Variants in SLC35D4 observed in about 807,000 individuals in gnomAD.
SLC35D4 encodes the protein solute carrier family 35 member D4, also known as UDP-N-acetylglucosamine transporter SLC35D4.
the SLC35D4 span, chr18:23,437,788 G>A: frequency 3.7e-6 from 6 of 1,611,224 alleles, no homozygotes; most frequent in African/African-American, 5.4e-5. Context: ...CACCTTGTTC[G>A]TGAGGTAAGA....
the SLC35D4 span, among the ~76,000 whole-genome samples, chr18:23,408,179 A>ACACACACC: frequency 3.3e-5 from 3 of 91,508 alleles, no homozygotes; most frequent in Admixed American, 3.1e-4. Flanking sequence ...ACACACACAC[A>ACACACACC]CCCCTAACCT....
the SLC35D4 span, among the ~76,000 whole-genome samples, chr18:23,241,998 A>G: frequency 2.0e-5 from 3 of 152,186 alleles, no homozygotes; most frequent in Non-Finnish European, 4.4e-5. Flanking sequence ...ATTCCGGGCC[A>G]GGTGCAGTGG....
chr18:23,372,216 G>A, the SLC35D4 span, among the ~76,000 whole-genome samples: 20 of 152,028 alleles, frequency 1.3e-4, no homozygotes, highest in Non-Finnish European at 2.4e-4. Context: ...GATTACAGGC[G>A]TGAGCCACCG....
the SLC35D4 span, among the ~76,000 whole-genome samples, chr18:23,271,961 G>T: frequency 6.6e-6 from 1 of 152,144 alleles, no homozygotes; most frequent in Non-Finnish European, 1.5e-5. Flanking sequence ...CTTCCATCTG[G>T]CTGTTCATCT....
chr18:23,244,050 ACAAT>A, the SLC35D4 span, among the ~76,000 whole-genome samples: 1 of 152,164 alleles, frequency 6.6e-6, no homozygotes, highest in Non-Finnish European at 1.5e-5. Context: ...CGGATTTTTG[ACAAT>A]CACTTCGTGA....
chr18:23,275,036 TTTTG>T, the SLC35D4 span, among the ~76,000 whole-genome samples: 3 of 149,132 alleles, frequency 2.0e-5, no homozygotes, highest in Non-Finnish European at 4.4e-5. Flanking sequence ...TCTGCTTGTA[TTTTG>T]TGTGTGAGTG....
the SLC35D4 span, among the ~76,000 whole-genome samples, chr18:23,358,988 C>T: frequency 1.1e-3 from 165 of 152,264 alleles, 1 homozygote; most frequent in African/African-American, 3.6e-3. Flanking sequence ...GGCTGGCTGG[C>T]CCCAGCCACA....
chr18:23,355,654 G>A, the SLC35D4 span, among the ~76,000 whole-genome samples: 270 of 148,128 alleles, frequency 1.8e-3, no homozygotes, highest in Non-Finnish European at 3.1e-3. Flanking sequence ...TAGCCACATA[G>A]CAGCTTTTTA....
the SLC35D4 span, among the ~76,000 whole-genome samples, chr18:23,384,366 C>CT: frequency 2.6e-5 from 4 of 151,872 alleles, no homozygotes; most frequent in Non-Finnish European, 5.9e-5. Flanking sequence ...AAAAAAAAAA[C>CT]TCCAAAAAGA....
the SLC35D4 span, among the ~76,000 whole-genome samples, chr18:23,308,848 T>TTCTCTC: frequency 0.047 from 6,530 of 139,924 alleles, 191 homozygotes; most frequent in East Asian, 0.094. Context: ...AGCACGTGTT[T>TTCTCTC]TCTCTCTCTC....
the SLC35D4 span, among the ~76,000 whole-genome samples, chr18:23,435,319 T>C: frequency 6.6e-6 from 1 of 152,086 alleles, no homozygotes; most frequent in Non-Finnish European, 1.5e-5. Flanking sequence ...TCATGACAGA[T>C]GTGTTAATCT....
At chr18:23,321,264 AT>A in the SLC35D4 span, among the ~76,000 whole-genome samples, 3,748 of 152,024 alleles carry the variant, frequency 0.025, 51 homozygotes, top group Middle Eastern at 0.058. Flanking sequence ...CGATTTATTT[AT>A]TTTTCCCCTA....
the SLC35D4 span, chr18:23,421,342 T>G: frequency 6.3e-7 from 1 of 1,591,642 alleles, no homozygotes; most frequent in South Asian, 1.1e-5. Context: ...GAATCATGCA[T>G]GAGTCCAGCA....
At chr18:23,320,318 G>A in the SLC35D4 span, among the ~76,000 whole-genome samples, 1 of 152,110 alleles carries the variant, frequency 6.6e-6, no homozygotes, top group Non-Finnish European at 1.5e-5. Context: ...ATTAATTTCA[G>A]ATGTATTTTT....
chr18:23,245,443 G>A, the SLC35D4 span, among the ~76,000 whole-genome samples: 58 of 151,516 alleles, frequency 3.8e-4, no homozygotes, highest in Admixed American at 3.4e-3. Flanking sequence ...CCCGGGAGGC[G>A]GAAGTTGCAG....
chr18:23,282,218 A>T, the SLC35D4 span, among the ~76,000 whole-genome samples: 18 of 152,256 alleles, frequency 1.2e-4, no homozygotes, highest in African/African-American at 4.3e-4. Flanking sequence ...GAAATCAATG[A>T]CTCAAATATT....
chr18:23,361,103 C>CAAAAAAAAAAAAAAAAAAAAAAAAAA, the SLC35D4 span, among the ~76,000 whole-genome samples: 11 of 94,094 alleles, frequency 1.2e-4, no homozygotes, highest in Non-Finnish European at 1.9e-4. Flanking sequence ...GACTTTGTCT[C>CAAAAAAAAAAAAAAAAAAAAAAAAAA]AAAAAAAAAA....
the SLC35D4 span, among the ~76,000 whole-genome samples, chr18:23,392,014 T>G: frequency 6.6e-6 from 1 of 152,008 alleles, no homozygotes; most frequent in African/African-American, 2.4e-5. Context: ...CTTGGCTCAC[T>G]GCAACCTCTG....
the SLC35D4 span, chr18:23,371,320 C>A: frequency 2.1e-6 from 2 of 945,474 alleles, no homozygotes; most frequent in South Asian, 2.1e-5. Flanking sequence ...GTCTTCCATT[C>A]CTGGGCCCAA....
Sources: gnomAD v4.1 joint callset for allele counts (sites outside exome capture counted in the v4.1 genomes callset) on GRCh38, gnomAD v4.1.1 for gene constraint, MANE v1.5 for transcripts, NCBI Gene and HGNC (gene_info 2026-07-23, HGNC 2026-07-21) for gene names.